Variants in ZNF609 observed in about 807,000 individuals in gnomAD.
The protein encoded by ZNF609 is zinc finger protein 609.
ZNF609 carries 11 observed loss-of-function variants against 109.5 expected under a neutral mutation model. The ratio of observed to expected loss-of-function variants is 0.10; its 90% CI spans 0.06 to 0.17. The LOEUF (loss-of-function observed/expected upper bound fraction) is 0.17. Among genes scored for constraint, ZNF609 ranks in the 10% least tolerant of loss-of-function variants. The pLI, the probability that ZNF609 is intolerant of heterozygous loss-of-function variation, is 1.00. For synonymous variants in ZNF609, 646 were observed against 662.0 expected (o/e 0.98, Z 0.37); for missense variants, 1,559 against 1,772.4 (o/e 0.88, Z 2.16).
In ZNF609 at chr15:64,674,772, C is replaced by T. The variant is rs1211333515; in HGVS notation, c.1918C>T (p.Pro640Ser). The change falls in exon 5 of 10, where the codon CCC (proline) becomes TCC (serine). Residue 640 changes from proline (P) to serine (S), a missense_variant. Physicochemically the swap from Pro to Ser is moderately conservative, Grantham distance 74 (BLOSUM62 -1). This residue lies in a region of ZNF609 where 1,204 missense variants were observed against 1,314.1 expected (regional missense o/e 0.92). Coordinates refer to ENST00000326648, the MANE Select transcript of ZNF609 (RefSeq NM_015042.2). The part of the protein sequence containing the change: ...KCMEKEKCKK[P>S]SSLKPEKIPS... ...TATGGAAAAAGAAAAATGTAAAAAA[C>T]CCTCTAGTTTAAAACCTGAAAAGAT... 6.2e-7 allele frequency: 1 copy of T among 1,613,828 alleles called. No homozygotes were observed. Among genetic ancestry groups the T allele is most frequent in the African/African-American group, 1.3e-5 (1 of 74,870 alleles).
At chr15:64,476,837 C>G (rs2140334126) in intron 1 of ZNF609, among the ~76,000 whole-genome samples, 1 of 152,244 alleles carries the variant, frequency 6.6e-6, no homozygotes, top group Middle Eastern at 3.4e-3. Flanking sequence ...TTTCCTTCCT[C>G]AAAGGGAGAA....
intron 2 of ZNF609, among the ~76,000 whole-genome samples, chr15:64,543,787 A>C (rs1894311494): frequency 6.6e-6 from 1 of 152,208 alleles, no homozygotes. Context: ...TTTAAGAAGC[A>C]ATCAAAGTTT....
At chr15:64,667,131 A>C (rs1048018920) in intron 3 of ZNF609, among the ~76,000 whole-genome samples, 12 of 152,172 alleles carry the variant, frequency 7.9e-5, no homozygotes, top group African/African-American at 2.9e-4. Flanking sequence ...ACTCTGTCTC[A>C]AAAAAACAAA....
rs180766276 is a variant in ZNF609, at chr15:64,615,456, T to C, written c.748-7371T>C. ...CTGCCTCTGTCTTGATAACGTCTTA[T>C]CAACATAATGTTTAGTGTATTTGAT... On this transcript the variant is annotated intron_variant, in intron 2 of 9. Transcript: ENST00000326648. Among the ~76,000 whole-genome samples, 130 of 152,072 alleles carry C rather than the reference T, an allele frequency of 8.5e-4. 1 individual carries two copies. The highest frequency in any genetic ancestry group is 3.0e-3 in the African/African-American group (123 of 41,480).
At chr15:64,670,735 A>T (rs1206123256) in intron 4 of ZNF609, among the ~76,000 whole-genome samples, 2 of 151,868 alleles carry the variant, frequency 1.3e-5, no homozygotes, top group Admixed American at 6.6e-5. Context: ...AAAATTAGCC[A>T]GGCATGGTGG....
rs1169633219 is a variant in ZNF609, at chr15:64,530,650, A to G, written c.747+30484A>G. On this transcript the variant is annotated intron_variant, in intron 2 of 9. Coordinates refer to ENST00000326648, the MANE Select transcript of ZNF609 (RefSeq NM_015042.2). ...ATCTTAAGGGCAAGAACGATGTCTT[A>G]TCTTTGTGACTGACAGTATGGTAGA... is the stretch of plus-strand genomic sequence containing the variant. Among the ~76,000 whole-genome samples the G allele has an allele frequency of 2.0e-5, 3 of 152,202 alleles. No individual in the cohort carries two copies. In the East Asian group the frequency reaches 5.8e-4, roughly 29 times the overall value.
At chr15:64,617,512 A>G (rs765823324) in intron 2 of ZNF609, among the ~76,000 whole-genome samples, 48 of 151,910 alleles carry the variant, frequency 3.2e-4, no homozygotes, top group South Asian at 2.1e-4. Context: ...AATTATCGCC[A>G]GGCATGTCTG....
chr15:64,677,693 T>C (rs1896827111), intron 5 of ZNF609, among the ~76,000 whole-genome samples: 1 of 152,198 alleles, frequency 6.6e-6, no homozygotes, highest in African/African-American at 2.4e-5. Context: ...CTTGGTATAA[T>C]AGTTATGCTT....
In ZNF609 at chr15:64,500,000, G is replaced by A. The variant is rs370398646; in HGVS notation, c.581G>A (p.Arg194Gln). The change falls in exon 2 of 10, where the codon CGG (arginine) becomes CAG (glutamine). Residue 194 changes from arginine (R) to glutamine (Q), a missense_variant. Transcript: ENST00000326648. ...GVLQPVPLGG[R>Q]GGQYDGSAGV... ...CTCCAGCCAGTTCCCTTGGGAGGAC[G>A]GGGTGGTCAGTATGATGGAAGTGCA... 5.1e-5 allele frequency: 82 copies of A among 1,614,040 alleles called. No individual in the cohort carries two copies. Among genetic ancestry groups the A allele is most frequent in the Non-Finnish European group, 6.4e-5 (76 of 1,180,038 alleles).
Position 64,683,308 on chromosome 15 carries a change from A to G in ZNF609, c.*1622A>G, listed in dbSNP as rs1860398710. 6.6e-6 allele frequency: 1 copy of G among 152,662 alleles called. No individual in the cohort carries two copies. Among genetic ancestry groups the G allele is most frequent in the African/African-American group, 2.4e-5 (1 of 41,462 alleles). The allele number at this position is 152,662 out of a possible 1,614,324, so 9.5% of individuals were successfully genotyped here. On this transcript the variant is annotated 3_prime_UTR_variant, in exon 10 of 10. Transcript: ENST00000326648. ...AGGAGCAGGAACTTGGCTCCGACTC[A>G]GTTTGGAAAATGGGAAATAGGGGAC...
chr15:64,483,870 C>T (rs1893293227), intron 1 of ZNF609, among the ~76,000 whole-genome samples: 1 of 152,088 alleles, frequency 6.6e-6, no homozygotes, highest in Non-Finnish European at 1.5e-5. Context: ...TAACTGAGGC[C>T]CAAATAGCTG....
At chr15:64,461,524 T>G (rs907603751) in intron 1 of ZNF609, among the ~76,000 whole-genome samples, 1 of 152,246 alleles carries the variant, frequency 6.6e-6, no homozygotes, top group East Asian at 1.9e-4. Flanking sequence ...ATCTCTGTGC[T>G]TTGCTCAGAT....
chr15:64,597,787 T>A lies in ZNF609; in HGVS notation c.748-25040T>A, dbSNP rs150995164. ...GGAAGGTCACAGAGATACTGCCCCA[T>A]CCCCAGCTCACAGGACCACCCAGTG... On this transcript the variant is annotated intron_variant, in intron 2 of 9. Coordinates refer to ENST00000326648, the MANE Select transcript of ZNF609 (RefSeq NM_015042.2). Among the ~76,000 whole-genome samples, 433 of 152,206 alleles carry A rather than the reference T, an allele frequency of 2.8e-3. 2 individuals carry two copies. Among genetic ancestry groups the A allele is most frequent in the Non-Finnish European group, 5.5e-3 (371 of 68,006 alleles).
chr15:64,603,874 C>T (rs947851464), intron 2 of ZNF609, among the ~76,000 whole-genome samples: 1 of 151,668 alleles, frequency 6.6e-6, no homozygotes, highest in Non-Finnish European at 1.5e-5. Flanking sequence ...TGGCGGGCAC[C>T]TGTAATCCCA....
Position 64,553,156 on chromosome 15 carries a change from A to G in ZNF609, c.747+52990A>G, listed in dbSNP as rs1262786734. Among the ~76,000 whole-genome samples the G allele has an allele frequency of 6.6e-5, 10 of 152,074 alleles. No individual in the cohort carries two copies. The East Asian group carries it at 1.7e-3, about 26-fold the overall frequency. On this transcript the variant is annotated intron_variant, in intron 2 of 9. Transcript: ENST00000326648. ...TACATGTCTTGATTACTATAACTTT[A>G]TAATAAATGTTGAAGTCATATGATT...
chr15:64,600,158 A>G (rs1895470544), intron 2 of ZNF609, among the ~76,000 whole-genome samples: 1 of 152,196 alleles, frequency 6.6e-6, no homozygotes, highest in African/African-American at 2.4e-5. Context: ...TCTCTAAAAA[A>G]TAGAAAAATT....
Position 64,543,063 on chromosome 15 carries a change from G to A in ZNF609, c.747+42897G>A, listed in dbSNP as rs116448539. On this transcript the variant is annotated intron_variant, in intron 2 of 9. Coordinates refer to ENST00000326648, the MANE Select transcript of ZNF609 (RefSeq NM_015042.2). The stretch of plus-strand genomic sequence containing the variant: ...TCCATCTGAGGCTTAAAACCTAGAT[G>A]ACGGGTTGATAGGTGCAGCAAACCA... Among the ~76,000 whole-genome samples the A allele has an allele frequency of 8.8e-3, 1,343 of 152,198 alleles. 24 individuals are homozygous for A. The highest frequency in any genetic ancestry group is 0.031 in the African/African-American group (1,281 of 41,492).
At chr15:64,557,966 G>A (rs1339523054) in intron 2 of ZNF609, among the ~76,000 whole-genome samples, 2 of 152,148 alleles carry the variant, frequency 1.3e-5, no homozygotes, top group African/African-American at 4.8e-5. Context: ...TTACAGGCGT[G>A]AGCCACCGCG....
chr15:64,651,507 C>G (rs1896415312), intron 3 of ZNF609, among the ~76,000 whole-genome samples: 1 of 152,160 alleles, frequency 6.6e-6, no homozygotes, highest in Non-Finnish European at 1.5e-5. Context: ...GAGCAGACCA[C>G]AGCAACTCTT....
Sources: gnomAD v4.1 joint callset for allele counts (sites outside exome capture counted in the v4.1 genomes callset) on GRCh38, gnomAD v4.1.1 for gene constraint, gnomAD v4.1.1 regional missense constraint, MANE v1.5 for transcripts, NCBI Gene and HGNC (gene_info 2026-07-23, HGNC 2026-07-21) for gene names.